The following TAF3 variants were observed in gnomAD, a reference collection of about 807,000 sequenced individuals.
TAF3 encodes the protein transcription initiation factor TFIID subunit 3.
A neutral mutation model predicts 80.6 loss-of-function variants in TAF3; 7 were observed. The ratio of observed to expected loss-of-function variants is 0.09; its 90% CI spans 0.05 to 0.16. TAF3 has a LOEUF of 0.16. Among genes scored for constraint, TAF3 ranks in the 10% least tolerant of loss-of-function variants. The probability of loss-of-function intolerance (pLI) is 1.00; values close to 1 mark genes in which losing one functional copy is unlikely to be tolerated. For missense variants in TAF3, 921 were observed against 1,140.2 expected, an observed-to-expected ratio of 0.81 and a Z score of 2.77; for synonymous variants, 444 against 446.1, an observed-to-expected ratio of 1.00 and a Z score of 0.06.
chr10:7,933,687 G>T (rs1041468703), intron 2 of TAF3, among the ~76,000 whole-genome samples: 1 of 152,148 alleles, frequency 6.6e-6, no homozygotes, highest in African/African-American at 2.4e-5. Flanking sequence ...GTCTTTCATA[G>T]GTCTCTAGTG....
intron 2 of TAF3, among the ~76,000 whole-genome samples, chr10:7,880,528 T>A (rs1837351083): frequency 6.6e-6 from 1 of 152,122 alleles, no homozygotes; most frequent in South Asian, 2.1e-4. Context: ...AACAGAAACC[T>A]GTATTGGAAT....
At chr10:7,912,538 C>T (rs1837666155) in intron 2 of TAF3, among the ~76,000 whole-genome samples, 2 of 152,078 alleles carry the variant, frequency 1.3e-5, no homozygotes, top group African/African-American at 4.8e-5. Flanking sequence ...TTGGTTTTAT[C>T]TGTAAAAGTA....
At chr10:7,919,174 T>C (rs1277300851) in intron 2 of TAF3, among the ~76,000 whole-genome samples, 1 of 152,046 alleles carries the variant, frequency 6.6e-6, no homozygotes, top group African/African-American at 2.4e-5. Flanking sequence ...TAGAATCCAG[T>C]TGGATGTCCT....
At position 7,929,934 on chromosome 10, in the gene TAF3, G is replaced by T. The variant is rs570222909; in HGVS notation, c.410-33986G>T. Among the ~76,000 whole-genome samples the T allele has an allele frequency of 3.9e-5, 6 of 152,286 alleles. No individual in the cohort carries two copies. In the South Asian group the frequency reaches 8.3e-4, roughly 21 times the overall value. On this transcript the variant is annotated intron_variant, in intron 2 of 6. Coordinates refer to ENST00000344293, the MANE Select transcript of TAF3 (RefSeq NM_031923.4). Reference sequence around the variant, plus strand: ...ATACAGGCTAGGGCCAGGCGTGGTGGCTCACACCTATAATTCCAGCACTTT... The same window carrying T: ...ATACAGGCTAGGGCCAGGCGTGGTGTCTCACACCTATAATTCCAGCACTTT...
intron 2 of TAF3, among the ~76,000 whole-genome samples, chr10:7,882,378 C>T (rs1354173778): frequency 6.6e-6 from 1 of 152,116 alleles, no homozygotes; most frequent in African/African-American, 2.4e-5. Context: ...AGAGGTCATC[C>T]AGTCCATCTA....
At chr10:7,875,759 G>C (rs1837307197) in intron 2 of TAF3, among the ~76,000 whole-genome samples, 1 of 152,114 alleles carries the variant, frequency 6.6e-6, no homozygotes, top group African/African-American at 2.4e-5. Flanking sequence ...AAAAGGAAAA[G>C]AAAGAGGAGA....
intron 2 of TAF3, among the ~76,000 whole-genome samples, chr10:7,861,072 C>A (rs1344272502): frequency 3.9e-5 from 6 of 152,072 alleles, no homozygotes; most frequent in Non-Finnish European, 8.8e-5. Flanking sequence ...TGCCATTCTC[C>A]TGCCTCAGCC....
intron 2 of TAF3, among the ~76,000 whole-genome samples, chr10:7,947,310 C>G (rs1378536875): frequency 6.6e-6 from 1 of 152,210 alleles, no homozygotes; most frequent in Admixed American, 6.5e-5. Context: ...CGGTTAAGAG[C>G]TTTCCATCAG....
intron 2 of TAF3, among the ~76,000 whole-genome samples, chr10:7,846,639 TA>T (rs1222207510): frequency 6.6e-6 from 1 of 152,154 alleles, no homozygotes. Context: ...AATGATCATT[TA>T]AAAAAACTGA....
chr10:7,881,765 G>A (rs1837364811), intron 2 of TAF3, among the ~76,000 whole-genome samples: 1 of 152,194 alleles, frequency 6.6e-6, no homozygotes. Flanking sequence ...GAGCTTTCCA[G>A]CTTGAGTTCT....
intron 4 of TAF3, among the ~76,000 whole-genome samples, chr10:8,001,156 A>G (rs1831940338): frequency 6.6e-6 from 1 of 152,200 alleles, no homozygotes; most frequent in African/African-American, 2.4e-5. Flanking sequence ...ACAGCTGTCT[A>G]ATGTTGCCTC....
intron 2 of TAF3, among the ~76,000 whole-genome samples, chr10:7,910,922 A>G (rs1199906204): frequency 6.6e-6 from 1 of 152,252 alleles, no homozygotes; most frequent in Non-Finnish European, 1.5e-5. Context: ...GCAAACAAAT[A>G]GTATCTGACT....
intron 2 of TAF3, among the ~76,000 whole-genome samples, chr10:7,848,754 G>A (rs1588522917): frequency 6.6e-6 from 1 of 152,072 alleles, no homozygotes; most frequent in Admixed American, 6.6e-5. Context: ...AAATGCTCTG[G>A]AAAAAATAAA....
chr10:7,967,902 C>A (rs11255465), intron 3 of TAF3, among the ~76,000 whole-genome samples: 6,594 of 152,152 alleles, frequency 0.043, 254 homozygotes, highest in Admixed American at 0.11. Flanking sequence ...GGAATATTAG[C>A]CCTTGATACA....
At chr10:7,907,752 A>C (rs1837619310) in intron 2 of TAF3, among the ~76,000 whole-genome samples, 1 of 152,184 alleles carries the variant, frequency 6.6e-6, no homozygotes, top group Admixed American at 6.5e-5. Context: ...GAAGTATGAA[A>C]GCTGCTATTA....
chr10:7,934,632 A>G (rs1240754570), intron 2 of TAF3, among the ~76,000 whole-genome samples: 1 of 151,998 alleles, frequency 6.6e-6, no homozygotes, highest in Non-Finnish European at 1.5e-5. Flanking sequence ...TTTAGTAGGG[A>G]CGGAGTTTCA....
intron 2 of TAF3, among the ~76,000 whole-genome samples, chr10:7,955,740 GACCTT>G (rs1838128801): frequency 6.6e-6 from 1 of 152,210 alleles, no homozygotes; most frequent in Non-Finnish European, 1.5e-5. Context: ...TGGTGTGTCA[GACCTT>G]ATTGCCTTGT....
chr10:8,001,458 C>A (rs1011571231), intron 4 of TAF3, among the ~76,000 whole-genome samples: 1 of 151,934 alleles, frequency 6.6e-6, no homozygotes, highest in East Asian at 1.9e-4. Flanking sequence ...AACATTAATT[C>A]TTTTTTATTC....
At chr10:7,839,897 G>T (rs1199429671) in intron 2 of TAF3, among the ~76,000 whole-genome samples, 2 of 152,192 alleles carry the variant, frequency 1.3e-5, no homozygotes, top group Non-Finnish European at 2.9e-5. Context: ...TCAGCAGTCA[G>T]CATGGAGAGT....
Sources: gnomAD v4.1 joint callset for allele counts (sites outside exome capture counted in the v4.1 genomes callset) on GRCh38, gnomAD v4.1.1 for gene constraint, MANE v1.5 for transcripts, NCBI Gene and HGNC (gene_info 2026-07-23, HGNC 2026-07-21) for gene names.